PDK3: variants seen among roughly 807,000 people sequenced by gnomAD.
PDK3 encodes pyruvate dehydrogenase kinase, isozyme 3.
Under a neutral mutation model 32.0 loss-of-function variants are expected in PDK3, and 12 were observed. That is an observed-to-expected ratio of 0.37 (90% CI 0.24 to 0.61). PDK3 has a LOEUF of 0.61. Among genes scored for constraint, PDK3 ranks in the 20% least tolerant of loss-of-function variants. The pLI, the probability that PDK3 is intolerant of heterozygous loss-of-function variation, is 0.65. For missense variants in PDK3, 188 were observed against 316.9 expected (o/e 0.59, Z 3.09); for synonymous variants, 122 against 116.3 (o/e 1.05, Z -0.31).
intron 6 of PDK3, among the ~76,000 whole-genome samples, chrX:24,519,617 G>A (rs989667345): frequency 9.9e-5 from 11 of 110,736 alleles, no homozygotes; most frequent in African/African-American, 2.3e-4. Flanking sequence ...TGATCCACCC[G>A]CCTCAGCCTC....
At chrX:24,510,428 C>T (rs1404623426) in intron 5 of PDK3, among the ~76,000 whole-genome samples, 1 of 112,089 alleles carries the variant, frequency 8.9e-6, no homozygotes, top group East Asian at 2.8e-4. Context: ...TAAAAGTGCT[C>T]ATCGAAGAAA....
exon 12 of PDK3, among the ~76,000 whole-genome samples, chrX:24,541,413 G>A (rs1366440232): frequency 9.0e-6 from 1 of 111,324 alleles, no homozygotes; most frequent in African/African-American, 3.3e-5. Flanking sequence ...GCAGTACCAT[G>A]TAAGGGGCCG....
chrX:24,505,816 C>G (rs1207408213), intron 5 of PDK3, among the ~76,000 whole-genome samples: 3 of 111,579 alleles, frequency 2.7e-5, no homozygotes, highest in Non-Finnish European at 1.9e-5. Context: ...TACCCAGGCA[C>G]TTTGAATTTG....
In PDK3 at chrX:24,530,784, G is replaced by A. The variant is rs182207330; in HGVS notation, c.964-873G>A. ...CAGGATTCCTTGACATAGAGATATA[G>A]GAGGGTACTGAAAATTTTTTTAATC... On this transcript the variant is annotated intron_variant, in intron 9 of 10. Coordinates refer to ENST00000379162, the MANE Select transcript of PDK3 (RefSeq NM_005391.5). Among the ~76,000 whole-genome samples the A allele has an allele frequency of 2.5e-3, 276 of 111,694 alleles. 4 individuals carry two copies. The highest frequency in any genetic ancestry group is 0.022 in the Admixed American group (228 of 10,502).
At chrX:24,488,941 T>C (rs1279618376) in intron 1 of PDK3, among the ~76,000 whole-genome samples, 1 of 110,956 alleles carries the variant, frequency 9.0e-6, no homozygotes, top group Non-Finnish European at 1.9e-5. Flanking sequence ...AAATAGAAAG[T>C]CAAAATTAAG....
exon 12 of PDK3, among the ~76,000 whole-genome samples, chrX:24,543,676 C>T (rs1310613829): frequency 2.7e-5 from 3 of 110,720 alleles, no homozygotes; most frequent in Admixed American, 9.7e-5. Flanking sequence ...CTCAAACTCC[C>T]GACCTCAAGT....
chrX:24,516,118 T>C (rs1922249314), intron 5 of PDK3, among the ~76,000 whole-genome samples: 1 of 112,047 alleles, frequency 8.9e-6, no homozygotes, highest in South Asian at 3.7e-4. Flanking sequence ...TTTAGGTTAA[T>C]AATGTCAATT....
At chrX:24,497,689 G>C (rs1921752164) in intron 2 of PDK3, among the ~76,000 whole-genome samples, 1 of 112,897 alleles carries the variant, frequency 8.9e-6, no homozygotes, top group African/African-American at 3.2e-5. Context: ...CATTCTCATT[G>C]GAGTATTTAT....
chrX:24,503,185 G>T (rs926335296), intron 3 of PDK3, 142 bp from the exon 4 acceptor site: 2 of 340,856 alleles, frequency 5.9e-6, no homozygotes, highest in Non-Finnish European at 9.7e-6. Flanking sequence ...CTTGTGGGTG[G>T]TTCCTTGTTC....
chrX:24,501,839 C>T (rs191990150), intron 3 of PDK3, among the ~76,000 whole-genome samples: 3 of 112,403 alleles, frequency 2.7e-5, no homozygotes, highest in Non-Finnish European at 5.6e-5. Context: ...CTGAGAAGTG[C>T]CTCAGTTAAG....
At chrX:24,469,308 A>G (rs1920970351) in intron 1 of PDK3, among the ~76,000 whole-genome samples, 1 of 111,331 alleles carries the variant, frequency 9.0e-6, no homozygotes, top group Non-Finnish European at 1.9e-5. Context: ...ACATTGTCAA[A>G]TTGCTTTCCA....
At chrX:24,494,954 C>A in intron 2 of PDK3, 71 bp downstream of exon 2, 1 of 954,088 alleles carries the variant, frequency 1.0e-6, no homozygotes, top group Non-Finnish European at 1.5e-6. Flanking sequence ...AGACCATTCT[C>A]TGTAAAAGTG....
In PDK3 at chrX:24,477,423, T is replaced by A. The variant is rs192211949; in HGVS notation, c.106+11862T>A. Among the ~76,000 whole-genome samples the A allele has an allele frequency of 5.4e-5, 6 of 112,067 alleles. No individual in the cohort carries two copies. The East Asian group carries it at 1.4e-3, about 26-fold the overall frequency. ...GCTCTTGTGCTGTGTAAATATCGTT[T>A]CCTTTGGCAAAGTAATTATCAAAGT... On this transcript the variant is annotated intron_variant, in intron 1 of 10. Transcript: ENST00000379162.
intron 1 of PDK3, among the ~76,000 whole-genome samples, chrX:24,494,373 ATGAAT>A (rs1489080996): frequency 3.7e-4 from 41 of 112,106 alleles, no homozygotes; most frequent in African/African-American, 1.3e-3. Flanking sequence ...GGAAAGCCCT[ATGAAT>A]GGGAGTGGAT....
chrX:24,543,326 A>AT (rs1009445707), exon 12 of PDK3, among the ~76,000 whole-genome samples: 4 of 110,900 alleles, frequency 3.6e-5, no homozygotes, highest in Non-Finnish European at 7.6e-5. Flanking sequence ...ATGCTGTATG[A>AT]TTTTTTTCTC....
chrX:24,488,518 G>A (rs746431827), intron 1 of PDK3, among the ~76,000 whole-genome samples: 21 of 111,338 alleles, frequency 1.9e-4, no homozygotes, highest in Middle Eastern at 4.6e-3. Flanking sequence ...GTGAAACCCC[G>A]TCTCTACTAA....
chrX:24,533,264 G>A (rs1922697311), intron 10 of PDK3, among the ~76,000 whole-genome samples: 1 of 108,036 alleles, frequency 9.3e-6, no homozygotes, highest in Non-Finnish European at 1.9e-5. Context: ...AGCCTCCTGA[G>A]TAGCTGGGAT....
At chrX:24,490,476 G>A (rs1032393660) in intron 1 of PDK3, among the ~76,000 whole-genome samples, 13 of 111,396 alleles carry the variant, frequency 1.2e-4, no homozygotes, top group Non-Finnish European at 2.1e-4. Context: ...TCAACGCCCC[G>A]CAGGACCATA....
At position 24,479,743 on chromosome X, in the gene PDK3, C is replaced by T. The variant is rs761729917; in HGVS notation, c.106+14182C>T. 6.3e-5 allele frequency among the ~76,000 whole-genome samples: 7 copies of T among 110,266 alleles called. No homozygotes were observed. In the South Asian group the frequency reaches 2.7e-3, roughly 43 times the overall value. On this transcript the variant is annotated intron_variant, in intron 1 of 10. Coordinates refer to ENST00000379162, the MANE Select transcript of PDK3 (RefSeq NM_005391.5). The stretch of plus-strand genomic sequence containing the variant: ...GAGGTTGCAGTGAACCGAGGTCGCG[C>T]CACTGCACTCCAGCTTGGGCGATGG...
Sources: allele counts gnomAD v4.1 joint callset (sites outside exome capture counted in the v4.1 genomes callset), GRCh38; gene constraint gnomAD v4.1.1; transcripts MANE v1.5; gene names NCBI Gene and HGNC (gene_info 2026-07-23, HGNC 2026-07-21).